DNAH5: variants seen among roughly 807,000 people sequenced by gnomAD.
The protein encoded by DNAH5 is axonemal beta dynein heavy chain 5.
Under a neutral mutation model 518.2 loss-of-function variants are expected in DNAH5, and 372 were observed. The ratio of observed to expected loss-of-function variants is 0.72; its 90% CI spans 0.66 to 0.78. DNAH5 has a LOEUF of 0.78. DNAH5 is among the 30% of genes least tolerant of loss of function. The pLI is 0.00. For missense variants in DNAH5, 5,523 were observed against 5,687.0 expected, an observed-to-expected ratio of 0.97 and a Z score of 0.93; for synonymous variants, 2,039 against 2,025.9, an observed-to-expected ratio of 1.01 and a Z score of -0.17.
chr5:13,800,702 G>T (rs1580316224), intron 47 of DNAH5, among the ~76,000 whole-genome samples: 1 of 152,064 alleles, frequency 6.6e-6, no homozygotes, highest in Non-Finnish European at 1.5e-5. Flanking sequence ...ATTTTACCTA[G>T]AATTTTTTTG....
rs780615284 is a variant in DNAH5 at position 13,850,754 on chromosome 5, T to A, written c.5012A>T (p.Glu1671Val). The A allele has an allele frequency of 6.2e-7, 1 of 1,614,146 alleles. No individual in the cohort carries two copies. Among genetic ancestry groups the A allele is most frequent in the East Asian group, 2.2e-5 (1 of 44,884 alleles). Residue 1671 changes from glutamate to valine, a missense_variant, in exon 31 of 79, where the codon GAA (glutamate) becomes GTA (valine). By Grantham distance (121) the Glu-to-Val change is moderately radical. Transcript: ENST00000265104. The part of the protein sequence containing the change: ...SWVKIMTRAH[E>V]VPSVVQCCVG... The stretch of plus-strand genomic sequence containing the variant: ...ACAGCACTGGACTACACTGGGCACT[T>A]CATGTGCCCGAGTCATGATCTTCAC...
At chr5:13,735,104 C>A (rs765217904) in intron 68 of DNAH5, 27 bp downstream of exon 68, 2 of 1,608,190 alleles carry the variant, frequency 1.2e-6, no homozygotes, top group East Asian at 2.2e-5. Flanking sequence ...TGCACCTGTG[C>A]GCTATAGTCT....
At chr5:14,003,139 T>G (rs1048137130) in intron 1 of DNAH5, among the ~76,000 whole-genome samples, 1 of 152,224 alleles carries the variant, frequency 6.6e-6, no homozygotes, top group African/African-American at 2.4e-5. Context: ...CTTTTTCATT[T>G]TGTCTTAATA....
chr5:13,807,867 G>T, intron 46 of DNAH5, 142 bp from the exon 47 acceptor site: 1 of 745,610 alleles, frequency 1.3e-6, no homozygotes, highest in Non-Finnish European at 2.2e-6. Flanking sequence ...GGTCTTTAAA[G>T]AGGTGACTAA....
intron 21 of DNAH5, among the ~76,000 whole-genome samples, chr5:13,878,144 G>T (rs1417170540): frequency 6.6e-6 from 1 of 152,098 alleles, no homozygotes; most frequent in Non-Finnish European, 1.5e-5. Flanking sequence ...CAGAGAAGGG[G>T]CTTAAAAAAC....
At position 13,754,280 on chromosome 5, in the gene DNAH5, A is replaced by C; in HGVS notation, c.10478T>G (p.Ile3493Ser). The C allele has an allele frequency of 1.9e-6, 3 of 1,614,108 alleles. No homozygotes were observed. Among genetic ancestry groups the C allele is most frequent in the Non-Finnish European group, 1.7e-6 (2 of 1,179,980 alleles). ...TTCTTTTTCACCTGCCAAGCCACTG[A>C]TGAGCGTGGAAGCTGTCTGCATCTT... Reference protein sequence around the residue: ...RHKMQTASTLISGLAGEKERW... With the variant: ...RHKMQTASTLSSGLAGEKERW... Residue 3493 changes from isoleucine to serine, a missense_variant, in exon 62 of 79, where the codon ATC (isoleucine) becomes AGC (serine). Physicochemically the swap from Ile to Ser is moderately radical, Grantham distance 142. Coordinates refer to ENST00000265104, the MANE Select transcript of DNAH5 (RefSeq NM_001369.3).
At chr5:13,706,646 C>T (rs1212419060) in intron 76 of DNAH5, among the ~76,000 whole-genome samples, 1 of 152,174 alleles carries the variant, frequency 6.6e-6, no homozygotes, top group Non-Finnish European at 1.5e-5. Flanking sequence ...ATTTAGGCTC[C>T]ATCCCTTCAA....
intron 21 of DNAH5, 56 bp from the exon 22 acceptor site, chr5:13,876,873 CAGG>C (rs1770969836): frequency 1.3e-6 from 2 of 1,555,216 alleles, no homozygotes; most frequent in African/African-American, 1.4e-5. Flanking sequence ...AATGTACTTT[CAGG>C]AGATGAGGAT....
At chr5:13,848,811 C>T (rs564034735) in intron 31 of DNAH5, among the ~76,000 whole-genome samples, 3 of 152,270 alleles carry the variant, frequency 2.0e-5, no homozygotes, top group East Asian at 3.9e-4. Flanking sequence ...TGATGAGGAG[C>T]GGCTGTAAAT....
At chr5:13,782,178 C>T (rs1380870326) in intron 52 of DNAH5, among the ~76,000 whole-genome samples, 1 of 152,146 alleles carries the variant, frequency 6.6e-6, no homozygotes, top group Non-Finnish European at 1.5e-5. Context: ...ATGATAGAGG[C>T]TGGGCAGGGA....
At chr5:13,942,050 T>C (rs1779505833) in intron 1 of DNAH5, among the ~76,000 whole-genome samples, 1 of 152,222 alleles carries the variant, frequency 6.6e-6, no homozygotes, top group Admixed American at 6.5e-5. Context: ...CTAAGCATTC[T>C]TTATCTCTGA....
intron 1 of DNAH5, among the ~76,000 whole-genome samples, chr5:13,984,346 T>C (rs953002839): frequency 2.6e-5 from 4 of 152,226 alleles, no homozygotes; most frequent in African/African-American, 7.2e-5. Flanking sequence ...TATTGGTGTA[T>C]AAGAACGCTT....
At chr5:13,870,576 G>A (rs1769938921) in intron 24 of DNAH5, among the ~76,000 whole-genome samples, 191 bp downstream of exon 24, 1 of 152,078 alleles carries the variant, frequency 6.6e-6, no homozygotes, top group East Asian at 1.9e-4. Context: ...AGGACCTTAG[G>A]CGACATGTGA....
chr5:13,840,810 T>C, intron 34 of DNAH5, 96 bp downstream of exon 34: 1 of 1,000,788 alleles, frequency 1.0e-6, no homozygotes, highest in Non-Finnish European at 1.5e-6. Context: ...TTTAATTTTT[T>C]CCTTGAATTC....
Position 13,944,464 on chromosome 5 carries a change from G to A in DNAH5, c.-26C>T, listed in dbSNP as rs1395759598. The A allele has an allele frequency of 3.7e-6, 6 of 1,608,392 alleles. No individual in the cohort carries two copies. The highest frequency in any genetic ancestry group is 5.1e-6 in the Non-Finnish European group (6 of 1,177,206). ...TGTAGCCGTGCATGGACAGGCTGGA[G>A]TCAGCTCTTCCGGAATGGTCTTCTA... is the stretch of plus-strand genomic sequence containing the variant. On this transcript the variant is annotated 5_prime_UTR_variant, in exon 1 of 79. Coordinates refer to ENST00000265104, the MANE Select transcript of DNAH5 (RefSeq NM_001369.3).
At chr5:13,851,455 G>A in intron 30 of DNAH5, among the ~76,000 whole-genome samples, 1 of 152,034 alleles carries the variant, frequency 6.6e-6, no homozygotes, top group East Asian at 1.9e-4. Context: ...CTACAGGCAT[G>A]TGCCACCATG....
In DNAH5 at chr5:13,840,935, C is replaced by G; in HGVS notation, c.5680G>C (p.Val1894Leu). ...VKYETLITIH[V>L]HQRDIFDDLC... ...TCATCAAAGATATCCCTTTGGTGCACATGAATAGTAATCAGAGTCTCGTAT... is the reference window on the plus strand; with the variant it reads ...TCATCAAAGATATCCCTTTGGTGCAGATGAATAGTAATCAGAGTCTCGTAT... Residue 1894 changes from valine (V) to leucine (L), a missense_variant, in exon 34 of 79, where the codon GTG becomes CTG. Physicochemically the swap from Val to Leu is conservative, Grantham distance 32. This residue lies in a region of DNAH5 where 5,121 missense variants were observed against 5,223.3 expected (regional missense o/e 0.98). Coordinates refer to ENST00000265104, the MANE Select transcript of DNAH5 (RefSeq NM_001369.3). 1 of 1,614,100 alleles carries G rather than the reference C, an allele frequency of 6.2e-7. No individual in the cohort carries two copies. Among genetic ancestry groups the G allele is most frequent in the South Asian group, 1.1e-5 (1 of 91,070 alleles).
intron 54 of DNAH5, among the ~76,000 whole-genome samples, chr5:13,776,926 GC>G (rs909911821): frequency 6.6e-6 from 1 of 152,144 alleles, no homozygotes; most frequent in African/African-American, 2.4e-5. Flanking sequence ...AAATGGACAT[GC>G]CAAAAATCTA....
intron 17 of DNAH5, among the ~76,000 whole-genome samples, chr5:13,888,800 T>A (rs115023098): frequency 6.6e-6 from 1 of 152,206 alleles, no homozygotes; most frequent in African/African-American, 2.4e-5. Flanking sequence ...ACAATAATTT[T>A]ATTTTGGGGA....
Sources: gnomAD v4.1 joint callset for allele counts (sites outside exome capture counted in the v4.1 genomes callset) on GRCh38, gnomAD v4.1.1 for gene constraint, gnomAD v4.1.1 regional missense constraint, MANE v1.5 for transcripts, NCBI Gene and HGNC (gene_info 2026-07-23, HGNC 2026-07-21) for gene names.